The following VIPR2 variants were observed in gnomAD, a reference collection of about 807,000 sequenced individuals.
VIPR2 encodes the protein vasoactive intestinal polypeptide receptor 2.
Under a neutral mutation model 58.0 loss-of-function variants are expected in VIPR2, and 48 were observed. That is an observed-to-expected ratio of 0.83 (90% CI 0.66 to 1.05). The LOEUF is 1.05. Among genes scored for constraint, VIPR2 ranks in the 50% least tolerant of loss-of-function variants. The probability of loss-of-function intolerance (pLI) is 0.00; values close to 1 mark genes in which losing one functional copy is unlikely to be tolerated. For missense variants in VIPR2, 534 were observed against 558.0 expected (o/e 0.96, Z 0.43); for synonymous variants, 243 against 235.2 (o/e 1.03, Z -0.30).
At chr7:159,043,218 GGGGAGGGA>G in intron 5 of VIPR2, 42 bp from the exon 6 acceptor site, 2 of 1,527,762 alleles carry the variant, frequency 1.3e-6, no homozygotes, top group Non-Finnish European at 1.8e-6. Flanking sequence ...GGAGGGGGAA[GGGGAGGGA>G]GGGAGAGAGA....
At chr7:159,046,245 T>G (rs1295385085) in intron 5 of VIPR2, among the ~76,000 whole-genome samples, 1 of 152,166 alleles carries the variant, frequency 6.6e-6, no homozygotes, top group Admixed American at 6.5e-5. Context: ...AAACAAGTTT[T>G]CAAACAAAAC....
intron 3 of VIPR2, among the ~76,000 whole-genome samples, chr7:159,109,434 C>A (rs763949659): frequency 6.6e-6 from 1 of 152,218 alleles, no homozygotes; most frequent in Non-Finnish European, 1.5e-5. Context: ...ACACTTCCCA[C>A]TTCCCAGAAA....
At chr7:159,114,807 G>GAA (rs1432418273) in intron 2 of VIPR2, among the ~76,000 whole-genome samples, 19 of 139,500 alleles carry the variant, frequency 1.4e-4, no homozygotes, top group African/African-American at 4.9e-4. Context: ...AGAATAGAAA[G>GAA]AGAGAGAGGG....
In VIPR2 at chr7:159,030,707, G is replaced by C; in HGVS notation, c.1226C>G (p.Ser409Cys). The C allele has an allele frequency of 3.1e-6, 5 of 1,591,016 alleles. No homozygotes were observed. Among genetic ancestry groups the C allele is most frequent in the Non-Finnish European group, 4.3e-6 (5 of 1,170,182 alleles). ...ASRDYRVCGS[S>C]FSRNGSEGAL... ...GCCCTCCGAGCCGTTGCGGGAGAAG[G>C]AGGAACCGCAGACCCTGTAATCCCG... The change falls in exon 13 of 13, where the codon TCC becomes TGC. Residue 409 changes from serine (S) to cysteine (C), a missense_variant. By Grantham distance (112) the Ser-to-Cys change is moderately radical. Coordinates refer to ENST00000262178, the MANE Select transcript of VIPR2 (RefSeq NM_003382.5).
chr7:159,119,345 A>G (rs1383843397), intron 2 of VIPR2, among the ~76,000 whole-genome samples: 1 of 152,194 alleles, frequency 6.6e-6, no homozygotes. Context: ...CAAGCACCGC[A>G]AGGTAGAGCT....
intron 9 of VIPR2, 81 bp downstream of exon 9, chr7:159,034,500 T>C: frequency 2.7e-6 from 4 of 1,467,732 alleles, no homozygotes; most frequent in Non-Finnish European, 2.9e-6. Flanking sequence ...GTCAGTTCTA[T>C]TTAATAAAGG....
At chr7:159,067,912 TGG>T (rs1299645338) in intron 4 of VIPR2, among the ~76,000 whole-genome samples, 1 of 152,260 alleles carries the variant, frequency 6.6e-6, no homozygotes, top group Non-Finnish European at 1.5e-5. Context: ...GGTTTGTGGC[TGG>T]GCAGAGCCAC....
At position 159,128,869 on chromosome 7, in the gene VIPR2, G is replaced by A. The variant is rs1030441346; in HGVS notation, c.151+13577C>T. On this transcript the variant is annotated intron_variant, in intron 2 of 12. Transcript: ENST00000262178. The surrounding 1 kb of genome is among the most constrained non-coding windows in gnomAD (Gnocchi z 4.1). The stretch of plus-strand genomic sequence containing the variant: ...AACTGCTCCCTCCTTCCCTCCCTGC[G>A]GCTGAGCTCAGTCCTGACACAGGCT... Among the ~76,000 whole-genome samples the A allele has an allele frequency of 1.3e-5, 2 of 152,118 alleles. No individual in the cohort carries two copies. The highest frequency in any genetic ancestry group is 2.9e-5 in the Non-Finnish European group (2 of 68,022).
chr7:159,082,897 A>C (rs2129494955), intron 4 of VIPR2, among the ~76,000 whole-genome samples: 1 of 152,348 alleles, frequency 6.6e-6, no homozygotes, highest in East Asian at 1.9e-4. Context: ...TCAATGGGTC[A>C]CCGAATGTGT....
intron 1 of VIPR2, among the ~76,000 whole-genome samples, chr7:159,144,128 CT>C (rs149864995): frequency 1.3e-5 from 2 of 151,768 alleles, no homozygotes; most frequent in African/African-American, 2.4e-5. Context: ...TTTTTCTTTC[CT>C]TTTTTTTTAA....
intron 4 of VIPR2, among the ~76,000 whole-genome samples, chr7:159,102,280 G>A (rs1225362178): frequency 2.6e-5 from 4 of 152,240 alleles, no homozygotes; most frequent in African/African-American, 4.8e-5. Flanking sequence ...GAGATCTGAT[G>A]GTTTGATAAG....
chr7:159,122,554 C>T (rs1251200572), intron 2 of VIPR2, among the ~76,000 whole-genome samples: 5 of 152,110 alleles, frequency 3.3e-5, no homozygotes, highest in East Asian at 1.9e-4. Flanking sequence ...TGGGTGGGTC[C>T]GGAGGGTGCT....
At chr7:159,103,341 G>A (rs1186426994) in intron 4 of VIPR2, among the ~76,000 whole-genome samples, 7 of 152,248 alleles carry the variant, frequency 4.6e-5, no homozygotes, top group African/African-American at 7.2e-5. Flanking sequence ...GCAGGCTCAG[G>A]GCTCAGGAAA....
At chr7:159,085,728 C>T (rs763742024) in intron 4 of VIPR2, among the ~76,000 whole-genome samples, 49 of 147,720 alleles carry the variant, frequency 3.3e-4, no homozygotes, top group Non-Finnish European at 6.1e-4. Context: ...TTTTTTTTTT[C>T]GTTAGGAGTA....
intron 2 of VIPR2, among the ~76,000 whole-genome samples, chr7:159,122,977 G>T (rs1438711226): frequency 6.6e-6 from 1 of 152,014 alleles, no homozygotes; most frequent in Non-Finnish European, 1.5e-5. Flanking sequence ...TATCTTTTCT[G>T]CTCCTCTCCC....
chr7:159,143,212 T>G (rs112325580), intron 1 of VIPR2, among the ~76,000 whole-genome samples: 6 of 152,194 alleles, frequency 3.9e-5, no homozygotes, highest in African/African-American at 1.4e-4. Flanking sequence ...AGTCTACTAA[T>G]GTGAGAAGAA....
chr7:159,056,382 A>T (rs1855329873), intron 5 of VIPR2, among the ~76,000 whole-genome samples: 1 of 152,186 alleles, frequency 6.6e-6, no homozygotes, highest in African/African-American at 2.4e-5. Flanking sequence ...TGTGGTATCC[A>T]TCAATACAGA....
chr7:159,040,155 A>G (rs1418440179), intron 6 of VIPR2, among the ~76,000 whole-genome samples: 1 of 152,216 alleles, frequency 6.6e-6, no homozygotes, highest in Non-Finnish European at 1.5e-5. Flanking sequence ...CAAGGCCTCT[A>G]CTGACTTCAT....
At chr7:159,043,664 T>C (rs1362143030) in intron 5 of VIPR2, among the ~76,000 whole-genome samples, 1 of 152,168 alleles carries the variant, frequency 6.6e-6, no homozygotes, top group Non-Finnish European at 1.5e-5. Flanking sequence ...AACATGGTGG[T>C]CATTTTGAAG....
Sources: gnomAD v4.1 joint callset for allele counts (sites outside exome capture counted in the v4.1 genomes callset) on GRCh38, gnomAD v4.1.1 for gene constraint, Gnocchi (gnomAD v3.1) non-coding constraint, MANE v1.5 for transcripts, NCBI Gene and HGNC (gene_info 2026-07-23, HGNC 2026-07-21) for gene names.